The following SMAD3 variants were observed in gnomAD, a reference collection of about 807,000 sequenced individuals.
The protein encoded by SMAD3 is MAD homolog 3.
A neutral mutation model predicts 51.8 loss-of-function variants in SMAD3; 12 were observed. The observed-to-expected ratio is 0.23, with a 90% CI of 0.15 to 0.38. The LOEUF is 0.38. SMAD3 is among the 10% of genes least tolerant of loss of function. SMAD3 has a pLI of 1.00. For synonymous variants in SMAD3, 238 were observed against 227.7 expected (o/e 1.05, Z -0.41); for missense variants, 294 against 565.6 (o/e 0.52, Z 4.87).
intron 1 of SMAD3, among the ~76,000 whole-genome samples, chr15:67,142,201 C>A (rs933971668): frequency 6.7e-6 from 1 of 149,750 alleles, no homozygotes; most frequent in African/African-American, 2.5e-5. Flanking sequence ...CTCCCCACAC[C>A]CCCCCCACCA....
At chr15:67,131,272 C>T (rs1210049448) in intron 1 of SMAD3, among the ~76,000 whole-genome samples, 1 of 152,196 alleles carries the variant, frequency 6.6e-6, no homozygotes, top group Non-Finnish European at 1.5e-5. Context: ...AGTCCCTTGC[C>T]ACAGGTCACA....
rs758257270 is a variant in SMAD3, at chr15:67,165,429, C to T, written c.532+45C>T. The T allele has an allele frequency of 7.5e-6, 12 of 1,606,546 alleles. No individual in the cohort carries two copies. In the African/African-American group the frequency reaches 1.1e-4, roughly 14 times the overall value. On this transcript the variant is annotated intron_variant, in intron 3 of 8. Coordinates refer to ENST00000327367, the MANE Select transcript of SMAD3 (RefSeq NM_005902.4). ...AGGCTGGCCTGGGAGGCAGGGGCAG[C>T]GGTCAGCCCCGACATCAGTCCTGTG...
intron 1 of SMAD3, among the ~76,000 whole-genome samples, chr15:67,140,851 G>A (rs1304130322): frequency 6.6e-6 from 1 of 152,134 alleles, no homozygotes; most frequent in Admixed American, 6.5e-5. Flanking sequence ...TAAGGAAACG[G>A]AGCAGAACTT....
intron 1 of SMAD3, among the ~76,000 whole-genome samples, chr15:67,088,677 C>G (rs952117444): frequency 1.3e-5 from 2 of 152,128 alleles, no homozygotes; most frequent in African/African-American, 2.4e-5. Context: ...CGCCTGTAAT[C>G]CCAGCACTTT....
intron 5 of SMAD3, among the ~76,000 whole-genome samples, chr15:67,176,758 G>A (rs954005477): frequency 6.6e-6 from 1 of 152,240 alleles, no homozygotes; most frequent in African/African-American, 2.4e-5. Flanking sequence ...CACTTGAGAA[G>A]TCTGGCCGAC....
chr15:67,095,653 T>C (rs1595895851), intron 1 of SMAD3, among the ~76,000 whole-genome samples: 1 of 152,188 alleles, frequency 6.6e-6, no homozygotes, highest in African/African-American at 2.4e-5. Flanking sequence ...TGCTTCAGCC[T>C]CCCGAGTAGC....
chr15:67,176,691 A>AGGCCAGCCAATGCGTTAGGCTGGCAGGG (rs1962905263), intron 5 of SMAD3, among the ~76,000 whole-genome samples: 1 of 152,226 alleles, frequency 6.6e-6, no homozygotes, highest in African/African-American at 2.4e-5. Flanking sequence ...CTGAAAACTG[A>AGGCCAGCCAATGCGTTAGGCTGGCAGGG]GGCCAGCCAA....
intron 1 of SMAD3, among the ~76,000 whole-genome samples, chr15:67,077,650 G>A (rs73481411): frequency 0.017 from 2,549 of 152,298 alleles, 57 homozygotes; most frequent in South Asian, 0.055. Flanking sequence ...GGAAGAACAG[G>A]TCTATTTCTG....
Position 67,187,101 on chromosome 15 carries a change from T to G in SMAD3, c.1010-264T>G, listed in dbSNP as rs1464768767. The G allele has an allele frequency of 7.8e-6, 5 of 637,778 alleles. No homozygotes were observed. The African/African-American group carries it at 8.9e-5, about 11-fold the overall frequency. The allele number at this position is 637,778 out of a possible 1,614,324, so 39.5% of individuals were successfully genotyped here. A position where few individuals can be genotyped will look rare whatever the true frequency, so the allele number is the denominator to read the frequency against. ...TCTCCCTGCTCTGGGAGTCGGAGCT[T>G]GTGGGCCAGCCTTCCATCTCCCCTT... is the stretch of plus-strand genomic sequence containing the variant. On this transcript the variant is annotated intron_variant, in intron 7 of 8. Transcript: ENST00000327367.
chr15:67,142,080 G>A (rs1961840737), intron 1 of SMAD3, among the ~76,000 whole-genome samples: 1 of 152,170 alleles, frequency 6.6e-6, no homozygotes, highest in South Asian at 2.1e-4. Context: ...GCGAGGCAGT[G>A]AAGAGCTGGG....
At chr15:67,072,729 G>C (rs1960082912) in intron 1 of SMAD3, among the ~76,000 whole-genome samples, 1 of 152,174 alleles carries the variant, frequency 6.6e-6, no homozygotes, top group Admixed American at 6.5e-5. Context: ...TCCCTAAGGA[G>C]GGGTATGACC....
At chr15:67,071,538 C>A (rs144301712) in intron 1 of SMAD3, among the ~76,000 whole-genome samples, 1 of 152,080 alleles carries the variant, frequency 6.6e-6, no homozygotes, top group East Asian at 1.9e-4. Context: ...TGGCTGGGCA[C>A]GGTGGCTCAC....
intron 1 of SMAD3, among the ~76,000 whole-genome samples, chr15:67,139,201 C>T (rs145533456): frequency 1.3e-5 from 2 of 152,228 alleles, no homozygotes; most frequent in East Asian, 1.9e-4. Context: ...TTTAAGTTTA[C>T]GTGGATCTTG....
intron 1 of SMAD3, among the ~76,000 whole-genome samples, chr15:67,111,823 G>A: frequency 6.6e-6 from 1 of 152,110 alleles, no homozygotes; most frequent in East Asian, 1.9e-4. Context: ...AGTCTTGCTG[G>A]GATGTCCAGG....
rs1261927702 is a variant in SMAD3, at chr15:67,066,116, C to T, written c.-39C>T. Reference sequence around the variant, plus strand: ...CGGCGTCCCGTCGAGCCCAGCCCCGCCGGGGGCGCTCCTCGCCGCCCGCGC... The same window carrying T: ...CGGCGTCCCGTCGAGCCCAGCCCCGTCGGGGGCGCTCCTCGCCGCCCGCGC... On this transcript the variant is annotated 5_prime_UTR_variant, in exon 1 of 9. Transcript: ENST00000327367. 3.3e-6 allele frequency: 5 copies of T among 1,518,878 alleles called. No individual in the cohort carries two copies. Among genetic ancestry groups the T allele is most frequent in the Non-Finnish European group, 4.5e-6 (5 of 1,120,878 alleles). 94.1% of individuals were successfully genotyped at this position (1,518,878 alleles called of 1,614,324 possible).
chr15:67,080,167 C>T (rs1960251106), intron 1 of SMAD3, among the ~76,000 whole-genome samples: 4 of 152,226 alleles, frequency 2.6e-5, no homozygotes, highest in Admixed American at 2.6e-4. Context: ...GATCCGCCAG[C>T]TCATGTGCTG....
chr15:67,125,709 C>A lies in SMAD3; in HGVS notation c.207-39186C>A, dbSNP rs111618367. 1.5e-4 allele frequency: 148 copies of A among 985,506 alleles called. No homozygotes were observed. The African/African-American group carries it at 2.3e-3, about 15-fold the overall frequency. The allele number at this position is 985,506 out of a possible 1,614,324, so 61.0% of individuals were successfully genotyped here. A position where few individuals can be genotyped will look rare whatever the true frequency, so the allele number is the denominator to read the frequency against. On this transcript the variant is annotated intron_variant, in intron 1 of 8. Transcript: ENST00000327367. ...TCTGAGTCATGCCCAGGGGAGCAAACGGCCTGAAATATGAGCTTGTGCTTG... is the reference window on the plus strand; with the variant it reads ...TCTGAGTCATGCCCAGGGGAGCAAAAGGCCTGAAATATGAGCTTGTGCTTG...
At chr15:67,167,763 T>G (rs986656487) in intron 4 of SMAD3, among the ~76,000 whole-genome samples, 1 of 152,088 alleles carries the variant, frequency 6.6e-6, no homozygotes, top group Non-Finnish European at 1.5e-5. Flanking sequence ...ACCAGCAGCT[T>G]CTTGAATTGA....
chr15:67,076,366 G>T lies in SMAD3; in HGVS notation c.206+10006G>T, dbSNP rs530469343. On this transcript the variant is annotated intron_variant, in intron 1 of 8. Transcript: ENST00000327367. The stretch of plus-strand genomic sequence containing the variant: ...GGCGGGGGATGGGTAAGATCCTGAA[G>T]CAGAAACGCAGTGACTCACGCGCCT... 1.8e-4 allele frequency among the ~76,000 whole-genome samples: 27 copies of T among 152,318 alleles called. No individual in the cohort carries two copies. The East Asian group carries it at 5.2e-3, about 29-fold the overall frequency.
Sources: gnomAD v4.1 joint callset for allele counts (sites outside exome capture counted in the v4.1 genomes callset) on GRCh38, gnomAD v4.1.1 for gene constraint, MANE v1.5 for transcripts, NCBI Gene and HGNC (gene_info 2026-07-23, HGNC 2026-07-21) for gene names.